The following KCNN2 variants were observed in gnomAD, a reference collection of about 807,000 sequenced individuals.
KCNN2 encodes the protein potassium calcium-activated channel subfamily N member 2.
KCNN2 carries 24 observed loss-of-function variants against 55.5 expected under a neutral mutation model. The observed-to-expected ratio is 0.43, with a 90% CI of 0.31 to 0.61. The LOEUF (loss-of-function observed/expected upper bound fraction) is 0.61. Ranked by LOEUF, KCNN2 falls within the 20% of genes least tolerant of loss-of-function variation. KCNN2 has a pLI of 0.08. For missense variants in KCNN2, 754 were observed against 853.6 expected, an observed-to-expected ratio of 0.88 and a Z score of 1.45; for synonymous variants, 431 against 336.1, an observed-to-expected ratio of 1.28 and a Z score of -3.09.
intron 2 of KCNN2, among the ~76,000 whole-genome samples, chr5:114,233,425 G>A (rs1029637489): frequency 9.9e-5 from 15 of 152,080 alleles, no homozygotes; most frequent in African/African-American, 3.6e-4. Flanking sequence ...ATCTAAGGAT[G>A]TATTTTGCCT....
At chr5:114,365,247 TAGAA>T (rs1293670447) in intron 2 of KCNN2, among the ~76,000 whole-genome samples, 6 of 152,132 alleles carry the variant, frequency 3.9e-5, no homozygotes, top group African/African-American at 1.4e-4. Context: ...GAATGATAAT[TAGAA>T]AGAGTGAGAC....
intron 1 of KCNN2, among the ~76,000 whole-genome samples, chr5:114,060,346 T>C (rs1750299753): frequency 6.6e-6 from 1 of 152,252 alleles, no homozygotes; most frequent in Admixed American, 6.5e-5. Flanking sequence ...TCTTTACTTA[T>C]CTCTGTTCTT....
At chr5:114,136,874 T>G (rs1752184568) in intron 1 of KCNN2, among the ~76,000 whole-genome samples, 1 of 152,164 alleles carries the variant, frequency 6.6e-6, no homozygotes, top group Non-Finnish European at 1.5e-5. Context: ...CTTTATATGT[T>G]TTCTAAGCCT....
intron 1 of KCNN2, among the ~76,000 whole-genome samples, chr5:114,068,399 C>T (rs892763712): frequency 2.0e-5 from 3 of 152,218 alleles, no homozygotes; most frequent in Non-Finnish European, 4.4e-5. Flanking sequence ...TATGGCCACA[C>T]ATGGTCTGTA....
intron 1 of KCNN2, among the ~76,000 whole-genome samples, chr5:114,119,036 G>A (rs1440939904): frequency 6.6e-6 from 1 of 152,144 alleles, no homozygotes; most frequent in Admixed American, 6.5e-5. Flanking sequence ...CAAGGAACAA[G>A]CAAAACCCCC....
At chr5:114,146,807 A>G (rs1752408342) in intron 1 of KCNN2, among the ~76,000 whole-genome samples, 1 of 152,338 alleles carries the variant, frequency 6.6e-6, no homozygotes, top group South Asian at 2.1e-4. Flanking sequence ...TAATGGCTAG[A>G]GAAACTAGAA....
intron 2 of KCNN2, among the ~76,000 whole-genome samples, chr5:114,233,209 C>T (rs1240754365): frequency 6.6e-6 from 1 of 151,790 alleles, no homozygotes; most frequent in Non-Finnish European, 1.5e-5. Context: ...CGTGAGCCAC[C>T]GCGCCCGGCC....
At chr5:114,394,046 C>T (rs547476395) in intron 2 of KCNN2, among the ~76,000 whole-genome samples, 8 of 152,142 alleles carry the variant, frequency 5.3e-5, no homozygotes, top group Non-Finnish European at 1.2e-4. Flanking sequence ...AATTGAATTA[C>T]ATTATCAAAG....
chr5:114,166,009 A>G (rs1304265908), intron 1 of KCNN2, among the ~76,000 whole-genome samples: 1 of 152,098 alleles, frequency 6.6e-6, no homozygotes, highest in Admixed American at 6.6e-5. Context: ...CTTACCATCT[A>G]TAAATCCTCA....
At chr5:114,321,186 C>A (rs1199266498) in intron 2 of KCNN2, among the ~76,000 whole-genome samples, 2 of 152,184 alleles carry the variant, frequency 1.3e-5, no homozygotes, top group Non-Finnish European at 2.9e-5. Context: ...CTTTTCCAAA[C>A]CATAGAAGTA....
At chr5:114,437,204 C>A (rs1016300728) in intron 3 of KCNN2, among the ~76,000 whole-genome samples, 2 of 152,052 alleles carry the variant, frequency 1.3e-5, no homozygotes, top group African/African-American at 4.8e-5. Context: ...TCCAAGAAAT[C>A]ATTTAAAACA....
chr5:114,081,168 C>T (rs1207178829), intron 1 of KCNN2, among the ~76,000 whole-genome samples: 1 of 152,080 alleles, frequency 6.6e-6, no homozygotes, highest in Non-Finnish European at 1.5e-5. Context: ...TAAATAGAAA[C>T]ATCTTATGCT....
chr5:114,413,911 C>T (rs1278020218), intron 3 of KCNN2, among the ~76,000 whole-genome samples: 1 of 152,196 alleles, frequency 6.6e-6, no homozygotes, highest in Admixed American at 6.5e-5. Flanking sequence ...CATGTGTGCA[C>T]TCCTGGGTAG....
intron 2 of KCNN2, among the ~76,000 whole-genome samples, chr5:114,293,341 C>T (rs532184098): frequency 1.3e-5 from 2 of 152,010 alleles, no homozygotes; most frequent in Non-Finnish European, 2.9e-5. Flanking sequence ...TCATAGATAG[C>T]TCTTATTATT....
intron 2 of KCNN2, among the ~76,000 whole-genome samples, chr5:114,322,487 A>C (rs1224302075): frequency 2.0e-5 from 3 of 152,166 alleles, no homozygotes; most frequent in African/African-American, 7.2e-5. Context: ...AAAGATTATA[A>C]ATAAAATATG....
chr5:114,447,255 G>C (rs1038785307), intron 3 of KCNN2, among the ~76,000 whole-genome samples: 1 of 152,174 alleles, frequency 6.6e-6, no homozygotes, highest in Non-Finnish European at 1.5e-5. Flanking sequence ...TGGTAGAATG[G>C]AGGAGAAAGC....
chr5:114,381,941 G>A (rs1275773003), intron 2 of KCNN2, among the ~76,000 whole-genome samples: 1 of 152,172 alleles, frequency 6.6e-6, no homozygotes, highest in East Asian at 1.9e-4. Flanking sequence ...AGGGATGGGA[G>A]TTGGATACCT....
intron 7 of KCNN2, 35 bp downstream of exon 7, chr5:114,493,507 C>G (rs776346268): frequency 7.0e-7 from 1 of 1,427,260 alleles, no homozygotes; most frequent in Non-Finnish European, 9.9e-7. Flanking sequence ...CTAGTTGCAT[C>G]TGTTGAAATC....
intron 2 of KCNN2, among the ~76,000 whole-genome samples, chr5:114,301,627 C>T (rs1446498025): frequency 1.3e-5 from 2 of 152,130 alleles, no homozygotes; most frequent in South Asian, 2.1e-4. Context: ...AACAAGCCAG[C>T]GTGGGAGCCA....
Sources: gnomAD v4.1 joint callset for allele counts (sites outside exome capture counted in the v4.1 genomes callset) on GRCh38, gnomAD v4.1.1 for gene constraint, MANE v1.5 for transcripts, NCBI Gene and HGNC (gene_info 2026-07-23, HGNC 2026-07-21) for gene names.